Variants in CYP3A5 observed in about 807,000 individuals in gnomAD.
The protein encoded by CYP3A5 is cytochrome P450 3A5.
CYP3A5 carries 51 observed loss-of-function variants against 55.9 expected under a neutral mutation model. The ratio of observed to expected loss-of-function variants is 0.91; its 90% CI spans 0.73 to 1.15. The LOEUF (loss-of-function observed/expected upper bound fraction) is 1.15, where lower values mean the gene tolerates loss of function less well. CYP3A5 is among the 50% of genes most tolerant of loss of function. The pLI is 0.00. For missense variants in CYP3A5, 533 were observed against 596.6 expected (o/e 0.89, Z 1.11); for synonymous variants, 196 against 213.9 (o/e 0.92, Z 0.73).
chr7:99,673,640 C>T (rs1360965668), intron 3 of CYP3A5, among the ~76,000 whole-genome samples: 7 of 152,186 alleles, frequency 4.6e-5, no homozygotes, highest in Admixed American at 4.6e-4. Flanking sequence ...TATCTCTCAA[C>T]CCTTCTTTCA....
chr7:99,675,626 T>TCTCTC (rs138063629), intron 2 of CYP3A5, among the ~76,000 whole-genome samples: 79 of 654 alleles, frequency 0.12, 34 homozygotes, highest in Non-Finnish European at 0.2. Flanking sequence ...CCTCTCCTTT[T>TCTCTC]CTCTCCTCTC....
In CYP3A5 at chr7:99,650,200, T is replaced by G. The variant is rs1398727085; in HGVS notation, c.1286A>C (p.Tyr429Ser). The change falls in exon 12 of 13, where the codon TAC becomes TCC. Residue 429 changes from tyrosine (Y) to serine (S), a missense_variant. Coordinates refer to ENST00000222982, the MANE Select transcript of CYP3A5 (RefSeq NM_000777.5). ...TCCAGTTCCAAAGGGTGTGTATATG[T>G]AAGGATCTATGCTGTCCTTCTTCTT... Reference protein sequence around the residue: ...FSKKKDSIDPYIYTPFGTGPR... With the variant: ...FSKKKDSIDPSIYTPFGTGPR... 6.2e-7 allele frequency: 1 copy of G among 1,613,970 alleles called. No homozygotes were observed. The highest frequency in any genetic ancestry group is 8.5e-7 in the Non-Finnish European group (1 of 1,179,942).
chr7:99,673,631 ATC>A (rs1811916240), intron 3 of CYP3A5, among the ~76,000 whole-genome samples: 1 of 152,238 alleles, frequency 6.6e-6, no homozygotes, highest in African/African-American at 2.4e-5. Flanking sequence ...TTTCTCTATT[ATC>A]TCTCAACCCT....
At chr7:99,665,839 A>G (rs1484601233) in intron 6 of CYP3A5, among the ~76,000 whole-genome samples, 1 of 151,902 alleles carries the variant, frequency 6.6e-6, no homozygotes, top group Non-Finnish European at 1.5e-5. Flanking sequence ...GCTCTGGAAA[A>G]CCCCACTATC....
chr7:99,660,455 A>G, intron 10 of CYP3A5, 44 bp downstream of exon 10: 1 of 1,538,172 alleles, frequency 6.5e-7, no homozygotes, highest in Non-Finnish European at 8.7e-7. Context: ...CATTTTTGCT[A>G]AGGCTTCACC....
At chr7:99,663,233 T>G in intron 8 of CYP3A5, 1 of 1,056,960 alleles carries the variant, frequency 9.5e-7, no homozygotes. Context: ...GATCTTTTAT[T>G]CTTCTACCTT....
chr7:99,675,610 CTCTCT>C, intron 2 of CYP3A5, among the ~76,000 whole-genome samples: 1 of 124,910 alleles, frequency 8.0e-6, no homozygotes, highest in Admixed American at 8.4e-5. Flanking sequence ...CTCTCCTCTC[CTCTCT>C]CCTCTCCTTT....
chr7:99,660,214 CTTTTTTTTTTTTTTTTTTT>C, intron 10 of CYP3A5: 3 of 429,454 alleles, frequency 7.0e-6, no homozygotes, highest in African/African-American at 9.7e-5. Context: ...CGCCACACTC[CTTTTTTTTTTTTTTTTTTT>C]TTTTTTTTTT....
chr7:99,676,054 G>GGAATGGTCAAGAGAGGGAGGTA, intron 2 of CYP3A5, 61 bp downstream of exon 2: 2 of 1,461,260 alleles, frequency 1.4e-6, no homozygotes, highest in Non-Finnish European at 1.9e-6. Context: ...CATTTTTACT[G>GGAATGGTCAAGAGAGGGAGGTA]ATGGAACTAA....
chr7:99,664,130 T>C, intron 7 of CYP3A5, 35 bp from the exon 8 acceptor site: 1 of 1,515,798 alleles, frequency 6.6e-7, no homozygotes, highest in Non-Finnish European at 8.9e-7. Flanking sequence ...AAGGAAATCA[T>C]TGAAAATGCA....
intron 3 of CYP3A5, among the ~76,000 whole-genome samples, chr7:99,674,041 A>G (rs749342958): frequency 6.6e-6 from 1 of 152,218 alleles, no homozygotes; most frequent in Non-Finnish European, 1.5e-5. Flanking sequence ...ACCCTGACAA[A>G]TAAATCCCAA....
rs966173032 is a variant in CYP3A5 at position 99,672,063 on chromosome 7, G to A, written c.318+517C>T. The stretch of plus-strand genomic sequence containing the variant: ...GGTTTTTGTTGTTGTTGTTGTTGTT[G>A]TTGTTTGAGATGGAGTCTCATTGGG... On this transcript the variant is annotated intron_variant, in intron 4 of 12. Transcript: ENST00000222982. Among the ~76,000 whole-genome samples the A allele has an allele frequency of 2.0e-5, 3 of 152,092 alleles. No homozygotes were observed. The South Asian group carries it at 6.2e-4, about 32-fold the overall frequency.
chr7:99,667,214 G>T, intron 4 of CYP3A5, 149 bp from the exon 5 acceptor site: 1 of 345,634 alleles, frequency 2.9e-6, no homozygotes, highest in Non-Finnish European at 4.9e-6. Context: ...GCTCAATGGA[G>T]ATCCTAGATG....
intron 10 of CYP3A5, among the ~76,000 whole-genome samples, chr7:99,658,402 T>A (rs1810006814): frequency 6.6e-6 from 1 of 152,186 alleles, no homozygotes; most frequent in Admixed American, 6.5e-5. Flanking sequence ...GAATGTTGAA[T>A]ATTGGCCCCC....
chr7:99,660,175 CTG>C, intron 10 of CYP3A5: 1 of 959,814 alleles, frequency 1.0e-6, no homozygotes, highest in Non-Finnish European at 1.2e-6. Flanking sequence ...GAGCTGTAGA[CTG>C]GAGCTGTTCC....
intron 3 of CYP3A5, among the ~76,000 whole-genome samples, chr7:99,673,864 C>A (rs1169397550): frequency 6.6e-6 from 1 of 152,186 alleles, no homozygotes; most frequent in Non-Finnish European, 1.5e-5. Flanking sequence ...CCTGGGCCAC[C>A]AAAACCTGCA....
chr7:99,648,535 A>C, intron 12 of CYP3A5, 135 bp from the exon 13 acceptor site: 1 of 585,210 alleles, frequency 1.7e-6, no homozygotes, highest in South Asian at 2.4e-5. Flanking sequence ...TGTATCTTGA[A>C]CTCTTCATAC....
At chr7:99,658,446 G>A (rs1810014730) in intron 10 of CYP3A5, among the ~76,000 whole-genome samples, 1 of 152,144 alleles carries the variant, frequency 6.6e-6, no homozygotes, top group African/African-American at 2.4e-5. Flanking sequence ...TCTGCCGAGA[G>A]ATCCACTGTT....
In CYP3A5 at chr7:99,670,053, C is replaced by T. The variant is rs541673758; in HGVS notation, c.318+2527G>A. Among the ~76,000 whole-genome samples the T allele has an allele frequency of 1.2e-4, 18 of 152,250 alleles. 1 individual carries two copies. In the South Asian group the frequency reaches 2.9e-3, roughly 25 times the overall value. The stretch of plus-strand genomic sequence containing the variant: ...CACAAGGGCCCAGGAATTGAATCAT[C>T]GCTAGTTTCAGGAATTCCTTAAAAG... On this transcript the variant is annotated intron_variant, in intron 4 of 12. Coordinates refer to ENST00000222982, the MANE Select transcript of CYP3A5 (RefSeq NM_000777.5).
Sources: gnomAD v4.1 joint callset for allele counts (sites outside exome capture counted in the v4.1 genomes callset) on GRCh38, gnomAD v4.1.1 for gene constraint, MANE v1.5 for transcripts, NCBI Gene and HGNC (gene_info 2026-07-23, HGNC 2026-07-21) for gene names.